SUN3: variants seen among roughly 807,000 people sequenced by gnomAD.
The protein encoded by SUN3 is Sad1 and UNC84 domain containing 3, also known as SUN domain-containing protein 3.
Under a neutral mutation model 48.2 loss-of-function variants are expected in SUN3, and 36 were observed. The ratio of observed to expected loss-of-function variants is 0.75; its 90% CI spans 0.57 to 0.99. The LOEUF (loss-of-function observed/expected upper bound fraction) is 0.99. Among genes scored for constraint, SUN3 ranks in the 50% least tolerant of loss-of-function variants. The pLI, the probability that SUN3 is intolerant of heterozygous loss-of-function variation, is 0.00. For missense variants in SUN3, 419 were observed against 433.1 expected (o/e 0.97, Z 0.29); for synonymous variants, 148 against 147.9 (o/e 1.00, Z 0.00).
intron 1 of SUN3, among the ~76,000 whole-genome samples, chr7:48,026,581 A>C (rs1181925232): frequency 6.9e-6 from 1 of 145,626 alleles, no homozygotes; most frequent in Admixed American, 6.9e-5. Context: ...CCCACCCCCC[A>C]ACACACACAC....
intron 7 of SUN3, among the ~76,000 whole-genome samples, chr7:47,995,325 ATGGTGC>A (rs1789180147): frequency 1.4e-5 from 2 of 147,888 alleles, no homozygotes; most frequent in Non-Finnish European, 3.0e-5. Context: ...ATGAAGAAAG[ATGGTGC>A]TGGTGGTGGT....
At chr7:48,024,324 A>G (rs1406794535) in intron 2 of SUN3, among the ~76,000 whole-genome samples, 2 of 152,184 alleles carry the variant, frequency 1.3e-5, no homozygotes, top group Non-Finnish European at 2.9e-5. Flanking sequence ...CAACAACAAA[A>G]GGACAAACAA....
Position 48,009,081 on chromosome 7 carries a change from A to G in SUN3, c.289-6T>C. 1.2e-6 allele frequency: 2 copies of G among 1,610,576 alleles called. No individual in the cohort carries two copies. Among genetic ancestry groups the G allele is most frequent in the Non-Finnish European group, 1.7e-6 (2 of 1,179,032 alleles). ...TTAGGCATACGAAGTCTGGCCTGAAAACAACAGAAAAAGATAAATCATTCT... is the reference window on the plus strand; with the variant it reads ...TTAGGCATACGAAGTCTGGCCTGAAGACAACAGAAAAAGATAAATCATTCT... On this transcript the variant is annotated splice_region_variant and splice_polypyrimidine_tract_variant and intron_variant, in intron 3 of 9. Coordinates refer to ENST00000297325, the MANE Select transcript of SUN3 (RefSeq NM_001030019.2).
At chr7:47,991,496 A>G (rs1349137978) in intron 8 of SUN3, among the ~76,000 whole-genome samples, 17 of 151,676 alleles carry the variant, frequency 1.1e-4, no homozygotes. Context: ...GGTGACATAT[A>G]AGGCAGGCTG....
At chr7:47,989,041 G>C (rs1788977093) in intron 8 of SUN3, 161 bp from the exon 9 acceptor site, 1 of 470,568 alleles carries the variant, frequency 2.1e-6, no homozygotes, top group South Asian at 4.0e-5. Flanking sequence ...TTTAACAAGG[G>C]GTCAATGAGG....
intron 8 of SUN3, among the ~76,000 whole-genome samples, chr7:47,989,730 G>A (rs2128769037): frequency 6.6e-6 from 1 of 152,276 alleles, no homozygotes; most frequent in African/African-American, 2.4e-5. Context: ...GAAAGAAGTA[G>A]GCATAAGAGA....
chr7:48,022,993 T>C (rs1790042086), intron 2 of SUN3, among the ~76,000 whole-genome samples: 1 of 152,094 alleles, frequency 6.6e-6, no homozygotes, highest in Admixed American at 6.5e-5. Flanking sequence ...GACCAGCCCT[T>C]CAGGAAGTGC....
chr7:47,994,509 C>T, intron 7 of SUN3, 27 bp from the exon 8 acceptor site: 1 of 1,577,172 alleles, frequency 6.3e-7, no homozygotes, highest in South Asian at 1.2e-5. Flanking sequence ...GAATTAATCT[C>T]TTAACTAGTT....
At position 47,993,427 on chromosome 7, in the gene SUN3, T is replaced by C. The variant is rs111436043; in HGVS notation, c.861+888A>G. ...ATTCAAATGTCCATCAACTGATGAATAGATAAATAAAATGTCATATATCCA... is the reference window on the plus strand; with the variant it reads ...ATTCAAATGTCCATCAACTGATGAACAGATAAATAAAATGTCATATATCCA... On this transcript the variant is annotated intron_variant, in intron 8 of 9. Transcript: ENST00000297325. Among the ~76,000 whole-genome samples the C allele has an allele frequency of 2.4e-3, 363 of 152,270 alleles. 1 individual carries two copies. The highest frequency in any genetic ancestry group is 8.2e-3 in the African/African-American group (341 of 41,552).
chr7:48,007,276 G>T lies in SUN3; in HGVS notation c.381C>A (p.Ile127=), dbSNP rs770141892. 1 of 1,613,856 alleles carries T rather than the reference G, an allele frequency of 6.2e-7. No individual in the cohort carries two copies. The highest frequency in any genetic ancestry group is 1.7e-5 in the Admixed American group (1 of 59,944). The stretch of plus-strand genomic sequence containing the variant: ...ATGCCTTCAGGACATCTATTTGTTC[G>T]ATCAAAAATAGAATTTGACGAAAAT... ...ENNFRQILFL[I]EQIDVLKALL... is the part of the protein sequence containing the mutation. The change falls in exon 5 of 10, where the codon ATC becomes ATA. Residue 127 remains isoleucine, a synonymous_variant. Coordinates refer to ENST00000297325, the MANE Select transcript of SUN3 (RefSeq NM_001030019.2).
chr7:48,032,108 AG>A (rs1790263636), upstream of SUN3, among the ~76,000 whole-genome samples: 1 of 152,188 alleles, frequency 6.6e-6, no homozygotes, highest in Non-Finnish European at 1.5e-5. Context: ...TGATGGGCAG[AG>A]GGAGTGGGAA....
intron 2 of SUN3, chr7:48,018,650 T>G (rs1366431323): frequency 6.5e-6 from 1 of 153,716 alleles, no homozygotes; most frequent in African/African-American, 2.4e-5. Flanking sequence ...TTGAAAATGT[T>G]ACTAAACAAA....
chr7:48,032,858 C>T (rs1184237532), upstream of SUN3, among the ~76,000 whole-genome samples: 2 of 152,130 alleles, frequency 1.3e-5, no homozygotes, highest in South Asian at 2.1e-4. Flanking sequence ...AGGATGTGTC[C>T]TGAAAGTTTA....
In SUN3 at chr7:48,007,194, C is replaced by T; in HGVS notation, c.463G>A (p.Asp155Asn). 1 of 1,612,240 alleles carries T rather than the reference C, an allele frequency of 6.2e-7. No individual in the cohort carries two copies. The highest frequency in any genetic ancestry group is 8.5e-7 in the Non-Finnish European group (1 of 1,179,358). The part of the protein sequence containing the change: ...DNNHNWNTHG[D>N]PVEDPDHTEE... The stretch of plus-strand genomic sequence containing the variant: ...GTGTGGTCCGGGTCCTCCACAGGGT[C>T]TCCATGGGTGTTCCAGTTGTGATTA... The change falls in exon 5 of 10, where the codon GAC becomes AAC. Residue 155 changes from aspartate to asparagine, a missense_variant. By Grantham distance (23) the Asp-to-Asn change is conservative. Transcript: ENST00000297325.
chr7:48,031,832 G>GCATA (rs1554297883), upstream of SUN3, among the ~76,000 whole-genome samples: 3 of 142,270 alleles, frequency 2.1e-5, no homozygotes, highest in African/African-American at 7.9e-5. Context: ...TGTGATTTAT[G>GCATA]CACACACACA....
intron 2 of SUN3, 103 bp from the exon 3 acceptor site, chr7:48,017,468 C>T (rs890543560): frequency 1.4e-6 from 1 of 691,360 alleles, no homozygotes; most frequent in Non-Finnish European, 2.5e-6. Flanking sequence ...AATATGTATA[C>T]TCTTAAGAAT....
In SUN3 at chr7:47,994,364, A is replaced by T; in HGVS notation, c.812T>A (p.Val271Glu). Residue 271 changes from valine (V) to glutamate (E), a missense_variant, in exon 8 of 10, where the codon GTG (valine) becomes GAG (glutamate). Coordinates refer to ENST00000297325, the MANE Select transcript of SUN3 (RefSeq NM_001030019.2). ...AVTMEHISEK[V>E]SPSGNISSAP... ...ACTGGAGATGTTTCCTGACGGAGAC[A>T]CCTTCTCTGAGATGTGCTCCATGGT... 3 of 1,613,882 alleles carry T rather than the reference A, an allele frequency of 1.9e-6. No homozygotes were observed. The highest frequency in any genetic ancestry group is 2.5e-6 in the Non-Finnish European group (3 of 1,179,922).
intron 3 of SUN3, among the ~76,000 whole-genome samples, chr7:48,010,734 G>A (rs527940599): frequency 1.3e-5 from 2 of 152,302 alleles, no homozygotes; most frequent in East Asian, 3.9e-4. Context: ...GCACCCAACA[G>A]AGAACTCAAA....
intron 5 of SUN3, among the ~76,000 whole-genome samples, chr7:48,006,845 A>C (rs1390818095): frequency 6.6e-6 from 1 of 152,202 alleles, no homozygotes; most frequent in Non-Finnish European, 1.5e-5. Context: ...ATGAATGCAA[A>C]TCTTTTGCTA....
Sources: gnomAD v4.1 joint callset for allele counts (sites outside exome capture counted in the v4.1 genomes callset) on GRCh38, gnomAD v4.1.1 for gene constraint, MANE v1.5 for transcripts, NCBI Gene and HGNC (gene_info 2026-07-23, HGNC 2026-07-21) for gene names.